The following ARL17A variants were observed in gnomAD, a reference collection of about 807,000 sequenced individuals.
The protein encoded by ARL17A is ARF like GTPase 17A.
intron 3 of ARL17A, among the ~76,000 whole-genome samples, chr17:46,541,803 T>C (rs2055372988): frequency 1.3e-5 from 2 of 151,094 alleles, no homozygotes; most frequent in South Asian, 4.1e-4. Flanking sequence ...TGAGGCTGTA[T>C]ACAAACATTA....
intron 4 of ARL17A, among the ~76,000 whole-genome samples, chr17:46,534,793 C>A (rs1385071133): frequency 1.4e-5 from 2 of 147,624 alleles, no homozygotes; most frequent in Non-Finnish European, 2.9e-5. Flanking sequence ...CGCCCCCCCA[C>A]CTCCCGGAGG....
chr17:46,533,918 C>T (rs1339444889), intron 4 of ARL17A, among the ~76,000 whole-genome samples: 2 of 114,776 alleles, frequency 1.7e-5, no homozygotes, highest in African/African-American at 9.2e-5. Context: ...TCTTCAATTT[C>T]AAAGGTAGTT....
intron 3 of ARL17A, among the ~76,000 whole-genome samples, chr17:46,558,376 GT>G (rs1220226031): frequency 2.8e-5 from 3 of 106,844 alleles, no homozygotes; most frequent in Non-Finnish European, 5.5e-5. Context: ...GGGTTTTGGG[GT>G]TTTTTTTGTG....
chr17:46,533,730 G>C (rs1165039783), intron 4 of ARL17A, among the ~76,000 whole-genome samples: 1 of 87,202 alleles, frequency 1.1e-5, no homozygotes, highest in Non-Finnish European at 2.0e-5. Context: ...TCAACCTCTT[G>C]ACCTCAAGTG....
At chr17:46,573,170 T>C (rs1450712752) in intron 2 of ARL17A, among the ~76,000 whole-genome samples, 3 of 53,302 alleles carry the variant, frequency 5.6e-5, no homozygotes, top group African/African-American at 6.3e-5. Flanking sequence ...ACTCGTTACA[T>C]TGCAACAATC....
At chr17:46,516,512 G>A (rs962952133), downstream of ARL17A, among the ~76,000 whole-genome samples, 1 of 144,814 alleles carries the variant, frequency 6.9e-6, no homozygotes, top group Non-Finnish European at 1.5e-5. Flanking sequence ...AAAAATGGGA[G>A]TACAGTCTAG....
At chr17:46,545,370 G>T (rs1236553866) in intron 3 of ARL17A, among the ~76,000 whole-genome samples, 1 of 136,676 alleles carries the variant, frequency 7.3e-6, no homozygotes, top group Non-Finnish European at 1.5e-5. Context: ...AGGATCCCTT[G>T]AGCCCAGGGG....
At chr17:46,534,633 C>T (rs917518188) in intron 4 of ARL17A, among the ~76,000 whole-genome samples, 1 of 148,590 alleles carries the variant, frequency 6.7e-6, no homozygotes, top group African/African-American at 2.6e-5. Context: ...ATTTCTGTAT[C>T]TTTTCCCCAC....
At chr17:46,533,318 T>C (rs1242614720) in intron 4 of ARL17A, among the ~76,000 whole-genome samples, 1 of 86,384 alleles carries the variant, frequency 1.2e-5, no homozygotes, top group Non-Finnish European at 2.0e-5. Flanking sequence ...ATCTTAATTT[T>C]ATAACGTTGT....
At chr17:46,501,710 A>G in the ARL17A span, among the ~76,000 whole-genome samples, 1 of 151,244 alleles carries the variant, frequency 6.6e-6, no homozygotes, top group Non-Finnish European at 1.5e-5. Context: ...ATGATATCTC[A>G]TTGTATGCCT....
At chr17:46,533,450 TTCA>T (rs1307726213) in intron 4 of ARL17A, among the ~76,000 whole-genome samples, 2 of 140,390 alleles carry the variant, frequency 1.4e-5, no homozygotes, top group African/African-American at 2.9e-5. Flanking sequence ...ATACCTTATG[TTCA>T]TCAACTAGAT....
the ARL17A span, among the ~76,000 whole-genome samples, chr17:46,501,212 G>C: frequency 6.6e-6 from 1 of 151,164 alleles, no homozygotes; most frequent in African/African-American, 2.5e-5. Flanking sequence ...CGGAGTCTCT[G>C]TTGCCTAGGC....
chr17:46,542,768 G>T (rs1329268142), intron 3 of ARL17A, among the ~76,000 whole-genome samples: 1 of 150,392 alleles, frequency 6.6e-6, no homozygotes, highest in African/African-American at 2.5e-5. Context: ...TTGTGAGTTT[G>T]TTACACAATT....
chr17:46,525,684 G>T (rs2052645654), downstream of ARL17A, among the ~76,000 whole-genome samples: 1 of 118,602 alleles, frequency 8.4e-6, no homozygotes, highest in South Asian at 3.7e-4. Flanking sequence ...GCAACACCAG[G>T]AAAACACTGG....
intron 3 of ARL17A, among the ~76,000 whole-genome samples, chr17:46,519,269 C>T (rs2144854439): frequency 2.0e-5 from 3 of 149,276 alleles, no homozygotes; most frequent in Middle Eastern, 6.9e-3. Context: ...CCCTCCATCA[C>T]ACCCAGCTAA....
chr17:46,541,565 T>A (rs949228354), intron 3 of ARL17A, among the ~76,000 whole-genome samples: 4 of 150,740 alleles, frequency 2.7e-5, no homozygotes, highest in Non-Finnish European at 5.9e-5. Flanking sequence ...CTCAGCAGAA[T>A]TTTTTTTGAG....
intron 3 of ARL17A, among the ~76,000 whole-genome samples, chr17:46,541,910 A>G (rs1420849506): frequency 6.8e-6 from 1 of 147,922 alleles, no homozygotes; most frequent in Admixed American, 6.7e-5. Flanking sequence ...ACAACTGTTC[A>G]CTCCTTTTTA....
chr17:46,516,275 C>T (rs1248324394), downstream of ARL17A, among the ~76,000 whole-genome samples: 1 of 125,020 alleles, frequency 8.0e-6, no homozygotes, highest in South Asian at 2.5e-4. Flanking sequence ...TGCACTCCAG[C>T]CTGGGCGACA....
intron 3 of ARL17A, among the ~76,000 whole-genome samples, chr17:46,541,855 T>A (rs1383052167): frequency 1.3e-5 from 2 of 150,690 alleles, no homozygotes; most frequent in Non-Finnish European, 2.9e-5. Context: ...TGGACTTTGG[T>A]ATCTGCAGGG....
Sources: allele counts gnomAD v4.1 joint callset (sites outside exome capture counted in the v4.1 genomes callset), GRCh38; gene constraint gnomAD v4.1.1; transcripts MANE v1.5; gene names NCBI Gene and HGNC (gene_info 2026-07-23, HGNC 2026-07-21).